TIGAR: variants seen among roughly 807,000 people sequenced by gnomAD.
TIGAR encodes the protein TP53 induced glycolysis regulatory phosphatase.
Under a neutral mutation model 17.9 loss-of-function variants are expected in TIGAR, and 7 were observed. That is an observed-to-expected ratio of 0.39 (90% CI 0.22 to 0.73). The LOEUF is 0.73. Ranked by LOEUF, TIGAR falls within the 30% of genes least tolerant of loss-of-function variation. TIGAR has a pLI of 0.42. For synonymous variants in TIGAR, 94 were observed against 108.6 expected, an observed-to-expected ratio of 0.87 and a Z score of 0.84; for missense variants, 258 against 327.4, an observed-to-expected ratio of 0.79 and a Z score of 1.64.
chr12:4,324,346 TA>T, intron 1 of TIGAR: 1 of 715,782 alleles, frequency 1.4e-6, no homozygotes, highest in Admixed American at 2.5e-5. Context: ...TTTTTGGAAA[TA>T]TGTGTGCCTT....
chr12:4,345,340 G>A (rs1402955119), intron 3 of TIGAR, among the ~76,000 whole-genome samples: 24 of 152,224 alleles, frequency 1.6e-4, no homozygotes, highest in South Asian at 2.1e-4. Flanking sequence ...GAGGCATCAC[G>A]CTACCTGACT....
At chr12:4,349,452 C>T (rs1261628383) in intron 3 of TIGAR, among the ~76,000 whole-genome samples, 4 of 150,926 alleles carry the variant, frequency 2.7e-5, no homozygotes, top group African/African-American at 9.7e-5. Context: ...GAGTCTCATT[C>T]TGTCACCCAG....
intron 4 of TIGAR, 83 bp downstream of exon 4, chr12:4,349,979 G>A (rs556594403): frequency 5.3e-5 from 49 of 921,858 alleles, no homozygotes; most frequent in African/African-American, 4.8e-4. Context: ...AAAGTTAAAT[G>A]CATTTCTGCT....
At chr12:4,351,998 G>T (rs1450463056) in intron 5 of TIGAR, among the ~76,000 whole-genome samples, 1 of 152,190 alleles carries the variant, frequency 6.6e-6, no homozygotes, top group African/African-American at 2.4e-5. Flanking sequence ...GACCGTGAGT[G>T]CTTTGAACTC....
At chr12:4,332,538 G>A (rs10849039) in intron 2 of TIGAR, among the ~76,000 whole-genome samples, 2 of 152,052 alleles carry the variant, frequency 1.3e-5, no homozygotes, top group African/African-American at 4.8e-5. Context: ...GCCGCCGCAC[G>A]CGGCCTCAAG....
Position 4,358,194 on chromosome 12 carries a change from G to T in TIGAR, c.*5503G>T, listed in dbSNP as rs1864931245. Among the ~76,000 whole-genome samples the T allele has an allele frequency of 6.6e-6, 1 of 151,682 alleles. No homozygotes were observed. The highest frequency in any genetic ancestry group is 1.5e-5 in the Non-Finnish European group (1 of 67,966). On this transcript the variant is annotated 3_prime_UTR_variant, in exon 6 of 6. Transcript: ENST00000179259. Reference sequence around the variant, plus strand: ...CCAGCACTTTGGGAGGCCAAGGTGGGTGGATTACCTGAGGTCAGGAGTTCA... The same window carrying T: ...CCAGCACTTTGGGAGGCCAAGGTGGTTGGATTACCTGAGGTCAGGAGTTCA...
rs1434819566 is a variant in TIGAR at position 4,359,857 on chromosome 12, C to T, written c.*7166C>T. 2.0e-5 allele frequency among the ~76,000 whole-genome samples: 3 copies of T among 152,030 alleles called. No homozygotes were observed. The highest frequency in any genetic ancestry group is 4.4e-5 in the Non-Finnish European group (3 of 68,016). On this transcript the variant is annotated 3_prime_UTR_variant, in exon 6 of 6. Coordinates refer to ENST00000179259, the MANE Select transcript of TIGAR (RefSeq NM_020375.3). ...AGTTCTAGGTGCTTCACATCCTTGC[C>T]AACATTTGTTATTATCAGTTTCTAA...
rs1864859956 is a variant in TIGAR, at chr12:4,353,506, C to T, written c.*815C>T. 1.5e-5 allele frequency: 2 copies of T among 135,440 alleles called. No individual in the cohort carries two copies. The highest frequency in any genetic ancestry group is 2.9e-5 in the African/African-American group (1 of 34,132). The allele number at this position is 135,440 out of a possible 1,614,324, so 8.4% of individuals were successfully genotyped here. On this transcript the variant is annotated 3_prime_UTR_variant, in exon 6 of 6. Coordinates refer to ENST00000179259, the MANE Select transcript of TIGAR (RefSeq NM_020375.3). ...AGTAAACAGTTAACAGAACACCACACAGTAATCAGAATAAAAGAGGGGCCT... is the reference window on the plus strand; with the variant it reads ...AGTAAACAGTTAACAGAACACCACATAGTAATCAGAATAAAAGAGGGGCCT...
chr12:4,350,654 G>C (rs1864828133), intron 4 of TIGAR, among the ~76,000 whole-genome samples: 1 of 152,012 alleles, frequency 6.6e-6, no homozygotes, highest in Non-Finnish European at 1.5e-5. Context: ...GCACGCGCCT[G>C]TAGTCCCAGC....
chr12:4,350,966 A>G (rs1052813448), intron 4 of TIGAR, among the ~76,000 whole-genome samples: 2 of 152,142 alleles, frequency 1.3e-5, no homozygotes, highest in African/African-American at 2.4e-5. Flanking sequence ...CTCTAGTCCT[A>G]TAATCTGTGC....
At position 4,336,873 on chromosome 12, in the gene TIGAR, A is replaced by G. The variant is rs59385818; in HGVS notation, c.71-166A>G. 3.2e-3 allele frequency among the ~76,000 whole-genome samples: 493 copies of G among 152,328 alleles called. 3 individuals carry two copies. Among genetic ancestry groups the G allele is most frequent in the African/African-American group, 0.011 (451 of 41,574 alleles). Reference sequence around the variant, plus strand: ...ATACCTGAGCCTTTAAAGACTTAAAACTTATTTTTACTTGCTAATAACTCC... The same window carrying G: ...ATACCTGAGCCTTTAAAGACTTAAAGCTTATTTTTACTTGCTAATAACTCC... On this transcript the variant is annotated intron_variant, in intron 2 of 5. Transcript: ENST00000179259.
intron 2 of TIGAR, among the ~76,000 whole-genome samples, chr12:4,335,978 G>A (rs1864654136): frequency 6.6e-6 from 1 of 152,082 alleles, no homozygotes; most frequent in African/African-American, 2.4e-5. Context: ...ACTGTTACTT[G>A]CTTATTTTTG....
chr12:4,351,807 C>A (rs1864840741), intron 5 of TIGAR, among the ~76,000 whole-genome samples: 1 of 152,164 alleles, frequency 6.6e-6, no homozygotes. Context: ...ATTGGTGATT[C>A]CCCCTAACCC....
rs1268400727 is a variant in TIGAR, at chr12:4,357,559, G to A, written c.*4868G>A. ...TTGGAAGTACAGCTTTCAGATTGAAGTATGTGTCAGTTCCTTTGTGTCCAA... is the reference window on the plus strand; with the variant it reads ...TTGGAAGTACAGCTTTCAGATTGAAATATGTGTCAGTTCCTTTGTGTCCAA... On this transcript the variant is annotated 3_prime_UTR_variant, in exon 6 of 6. Transcript: ENST00000179259. Among the ~76,000 whole-genome samples, 2 of 152,170 alleles carry A rather than the reference G, an allele frequency of 1.3e-5. No individual in the cohort carries two copies. Among genetic ancestry groups the A allele is most frequent in the African/African-American group, 4.8e-5 (2 of 41,436 alleles).
In TIGAR at chr12:4,321,308, G is replaced by A; in HGVS notation, c.32+5G>A. On this transcript the variant is annotated splice_donor_5th_base_variant and intron_variant, in intron 1 of 5. Transcript: ENST00000179259. This position sits in a 1 kb window ranked among gnomAD's most constrained non-coding sequence, Gnocchi z 5.2. Reference sequence around the variant, plus strand: ...CGCTCTGACTGTTGTCCGGCAGTGAGTATGGCTGTGGCAGGATGTCTTTCT... The same window carrying A: ...CGCTCTGACTGTTGTCCGGCAGTGAATATGGCTGTGGCAGGATGTCTTTCT... 1 of 1,601,258 alleles carries A rather than the reference G, an allele frequency of 6.2e-7. No homozygotes were observed. Among genetic ancestry groups the A allele is most frequent in the Non-Finnish European group, 8.5e-7 (1 of 1,179,800 alleles).
At chr12:4,345,526 C>T (rs1265265213) in intron 3 of TIGAR, among the ~76,000 whole-genome samples, 2 of 152,104 alleles carry the variant, frequency 1.3e-5, no homozygotes, top group East Asian at 3.8e-4. Context: ...CCCTATTCAA[C>T]AAATGGTGCT....
At chr12:4,336,806 C>T (rs1462070674) in intron 2 of TIGAR, among the ~76,000 whole-genome samples, 1 of 152,138 alleles carries the variant, frequency 6.6e-6, no homozygotes, top group East Asian at 1.9e-4. Flanking sequence ...CTCATCATCA[C>T]CTAATTCCCA....
At chr12:4,329,412 C>T (rs1476020518) in intron 1 of TIGAR, among the ~76,000 whole-genome samples, 3 of 133,974 alleles carry the variant, frequency 2.2e-5, no homozygotes, top group African/African-American at 8.4e-5. Flanking sequence ...GATTGCAGCT[C>T]ACTGCAACCT....
intron 1 of TIGAR, among the ~76,000 whole-genome samples, chr12:4,329,026 T>G (rs1321145375): frequency 6.6e-6 from 1 of 152,206 alleles, no homozygotes; most frequent in African/African-American, 2.4e-5. Context: ...TATCCTTCCA[T>G]TGTTTCTTTG....
Sources: gnomAD v4.1 joint callset for allele counts (sites outside exome capture counted in the v4.1 genomes callset) on GRCh38, gnomAD v4.1.1 for gene constraint, Gnocchi (gnomAD v3.1) non-coding constraint, MANE v1.5 for transcripts, NCBI Gene and HGNC (gene_info 2026-07-23, HGNC 2026-07-21) for gene names.